EXOC4: variants seen among roughly 807,000 people sequenced by gnomAD.
The protein encoded by EXOC4 is SEC8-like 1.
EXOC4 carries 71 observed loss-of-function variants against 107.2 expected under a neutral mutation model. That is an observed-to-expected ratio of 0.66 (90% CI 0.55 to 0.81). EXOC4 has a LOEUF of 0.81. EXOC4 is among the 30% of genes least tolerant of loss of function. EXOC4 has a pLI of 0.00. For missense variants in EXOC4, 1,108 were observed against 1,189.6 expected, an observed-to-expected ratio of 0.93 and a Z score of 1.01; for synonymous variants, 456 against 441.2, an observed-to-expected ratio of 1.03 and a Z score of -0.42.
chr7:133,749,785 A>C (rs1795753047), intron 10 of EXOC4, among the ~76,000 whole-genome samples: 1 of 152,096 alleles, frequency 6.6e-6, no homozygotes, highest in African/African-American at 2.4e-5. Context: ...CAATTCAAGC[A>C]CTGAGCATGA....
At chr7:133,673,706 A>G (rs1278968846) in intron 10 of EXOC4, among the ~76,000 whole-genome samples, 2 of 152,218 alleles carry the variant, frequency 1.3e-5, no homozygotes, top group African/African-American at 4.8e-5. Flanking sequence ...GAAAAACAAG[A>G]AGACAACACA....
At chr7:133,993,250 G>A (rs1393949398) in intron 14 of EXOC4, among the ~76,000 whole-genome samples, 3 of 152,090 alleles carry the variant, frequency 2.0e-5, no homozygotes, top group South Asian at 2.1e-4. Context: ...TGGTATCAGC[G>A]AACAATATGT....
At chr7:134,096,557 G>A in the EXOC4 span, among the ~76,000 whole-genome samples, 1 of 152,200 alleles carries the variant, frequency 6.6e-6, no homozygotes, top group African/African-American at 2.4e-5. Flanking sequence ...AGGGAAGCCA[G>A]TCCATTCCAA....
intron 11 of EXOC4, among the ~76,000 whole-genome samples, chr7:133,826,284 T>G (rs1481543275): frequency 6.6e-6 from 1 of 152,220 alleles, no homozygotes; most frequent in African/African-American, 2.4e-5. Flanking sequence ...GTATTGTTAA[T>G]TCTATTACTT....
intron 10 of EXOC4, among the ~76,000 whole-genome samples, chr7:133,722,300 C>T (rs1305279442): frequency 6.6e-6 from 1 of 152,214 alleles, no homozygotes; most frequent in Admixed American, 6.5e-5. Flanking sequence ...ACTGGTATCT[C>T]TGGCCACACA....
At chr7:133,611,598 C>A (rs1038457812) in intron 9 of EXOC4, among the ~76,000 whole-genome samples, 4 of 152,154 alleles carry the variant, frequency 2.6e-5, no homozygotes, top group Admixed American at 6.5e-5. Context: ...CCCTAGTCTT[C>A]TACACTCAAC....
chr7:133,255,060 T>C (rs1236285531), intron 1 of EXOC4, among the ~76,000 whole-genome samples: 1 of 152,130 alleles, frequency 6.6e-6, no homozygotes, highest in East Asian at 1.9e-4. Context: ...ATTTTGTGGT[T>C]ATCCATCCAT....
intron 2 of EXOC4, among the ~76,000 whole-genome samples, chr7:133,283,321 C>T (rs1041236392): frequency 1.3e-5 from 2 of 152,192 alleles, no homozygotes; most frequent in Non-Finnish European, 2.9e-5. Flanking sequence ...GTGATCTACC[C>T]ACCTCAGGCT....
At chr7:133,679,834 T>C (rs531769906) in intron 10 of EXOC4, among the ~76,000 whole-genome samples, 15 of 152,340 alleles carry the variant, frequency 9.8e-5, no homozygotes, top group Admixed American at 2.6e-4. Flanking sequence ...TGTGAGAACA[T>C]GCAGTACATT....
At chr7:133,551,402 C>T (rs73150814) in intron 9 of EXOC4, among the ~76,000 whole-genome samples, 4,297 of 151,902 alleles carry the variant, frequency 0.028, 76 homozygotes, top group Non-Finnish European at 0.048. Context: ...AGGATAGATT[C>T]ATCATGTTAT....
chr7:133,928,245 G>T (rs1164010315), intron 13 of EXOC4, among the ~76,000 whole-genome samples: 1 of 152,190 alleles, frequency 6.6e-6, no homozygotes, highest in Non-Finnish European at 1.5e-5. Context: ...CAGGCTGGCA[G>T]TGGTCACCTG....
rs1799834516 is a variant in EXOC4, at chr7:133,917,461, T to C, written c.1872-122T>C. ...GTATCATGGACTCCAACTTAGATAA[T>C]GGATTATGTTCAAAGGAGAGATGAG... On this transcript the variant is annotated intron_variant, in intron 12 of 17. Transcript: ENST00000253861. 3.3e-6 allele frequency: 3 copies of C among 902,264 alleles called. No homozygotes were observed. The South Asian group carries it at 6.0e-5, about 18-fold the overall frequency. The allele number at this position is 902,264 out of a possible 1,614,324, so 55.9% of individuals were successfully genotyped here.
chr7:133,783,195 C>T (rs1157614181), intron 10 of EXOC4, among the ~76,000 whole-genome samples: 2 of 152,098 alleles, frequency 1.3e-5, no homozygotes, highest in Admixed American at 1.3e-4. Context: ...CTTTGCATCC[C>T]TTGAAAACTT....
At chr7:133,985,342 A>G (rs1398924692) in intron 14 of EXOC4, among the ~76,000 whole-genome samples, 1 of 152,170 alleles carries the variant, frequency 6.6e-6, no homozygotes, top group Non-Finnish European at 1.5e-5. Context: ...CCCCAACTGA[A>G]TCAAACTCAA....
At chr7:133,943,852 T>C (rs1391393140) in intron 14 of EXOC4, among the ~76,000 whole-genome samples, 1 of 152,202 alleles carries the variant, frequency 6.6e-6, no homozygotes, top group Non-Finnish European at 1.5e-5. Flanking sequence ...GCTACTGCTA[T>C]AGTGACCCTT....
At chr7:133,255,552 G>C (rs562353930) in intron 1 of EXOC4, among the ~76,000 whole-genome samples, 2 of 152,310 alleles carry the variant, frequency 1.3e-5, no homozygotes, top group East Asian at 3.9e-4. Flanking sequence ...CAAGCATGGT[G>C]TAAGGGAATG....
intron 13 of EXOC4, among the ~76,000 whole-genome samples, chr7:133,925,189 AT>A (rs1483241945): frequency 2.6e-5 from 4 of 152,212 alleles, no homozygotes; most frequent in Non-Finnish European, 5.9e-5. Flanking sequence ...TGCCCTTTGC[AT>A]TGAATAAAGG....
intron 7 of EXOC4, among the ~76,000 whole-genome samples, chr7:133,379,822 A>G (rs11766665): frequency 0.15 from 22,105 of 152,190 alleles, 1,686 homozygotes; most frequent in South Asian, 0.22. Context: ...TCAGATGTAT[A>G]TAATTCCTGT....
chr7:133,746,455 A>T (rs1361185322), intron 10 of EXOC4, among the ~76,000 whole-genome samples: 1 of 152,142 alleles, frequency 6.6e-6, no homozygotes, highest in Non-Finnish European at 1.5e-5. Context: ...TGTGTTAATT[A>T]TCCCAGTGCC....
Sources: gnomAD v4.1 joint callset for allele counts (sites outside exome capture counted in the v4.1 genomes callset) on GRCh38, gnomAD v4.1.1 for gene constraint, MANE v1.5 for transcripts, NCBI Gene and HGNC (gene_info 2026-07-23, HGNC 2026-07-21) for gene names.